The following SLC23A2 variants were observed in gnomAD, a reference collection of about 807,000 sequenced individuals.
The protein encoded by SLC23A2 is solute carrier family 23 member 2.
A neutral mutation model predicts 73.3 loss-of-function variants in SLC23A2; 36 were observed. That is an observed-to-expected ratio of 0.49 (90% CI 0.38 to 0.65). SLC23A2 has a LOEUF of 0.65. SLC23A2 is among the 30% of genes least tolerant of loss of function. SLC23A2 has a pLI of 0.00. For synonymous variants in SLC23A2, 343 were observed against 327.3 expected, an observed-to-expected ratio of 1.05 and a Z score of -0.52; for missense variants, 507 against 841.6, an observed-to-expected ratio of 0.60 and a Z score of 4.92.
chr20:5,009,446 A>G (rs2088225444), intron 1 of SLC23A2, among the ~76,000 whole-genome samples: 1 of 152,076 alleles, frequency 6.6e-6, no homozygotes, highest in South Asian at 2.1e-4. Context: ...TACTCCCTCC[A>G]TGCATCACAG....
rs77102050 is a variant in SLC23A2 at position 4,896,841 on chromosome 20, T to C, written c.482+2714A>G. On this transcript the variant is annotated intron_variant, in intron 6 of 16. Coordinates refer to ENST00000338244, the MANE Select transcript of SLC23A2 (RefSeq NM_005116.6). ...AGCCATTGAATGCTCCCTGTGCCTGTTGATAAGTCCCAAGCTCTGGCCTCT... is the reference window on the plus strand; with the variant it reads ...AGCCATTGAATGCTCCCTGTGCCTGCTGATAAGTCCCAAGCTCTGGCCTCT... Among the ~76,000 whole-genome samples the C allele has an allele frequency of 5.6e-3, 860 of 152,344 alleles. 11 individuals carry two copies. The highest frequency in any genetic ancestry group is 0.019 in the African/African-American group (805 of 41,584).
intron 3 of SLC23A2, among the ~76,000 whole-genome samples, chr20:4,931,659 C>T (rs1932792248): frequency 6.6e-6 from 1 of 152,060 alleles, no homozygotes; most frequent in Non-Finnish European, 1.5e-5. Context: ...GTCCCAGCTA[C>T]TCGGGAGACT....
intron 7 of SLC23A2, 31 bp downstream of exon 7, chr20:4,885,790 C>T (rs1397581967): frequency 6.8e-7 from 1 of 1,468,214 alleles, no homozygotes; most frequent in South Asian, 1.1e-5. Context: ...TAAAGGACCC[C>T]AATGACATAT....
chr20:4,983,665 A>AAT (rs2087768813), intron 1 of SLC23A2, among the ~76,000 whole-genome samples: 1 of 144,604 alleles, frequency 6.9e-6, no homozygotes, highest in African/African-American at 2.6e-5. Context: ...AAAAAAAAAA[A>AAT]AGACACAAGC....
intron 3 of SLC23A2, among the ~76,000 whole-genome samples, chr20:4,924,580 G>A (rs1418575686): frequency 6.6e-6 from 1 of 152,212 alleles, no homozygotes; most frequent in Non-Finnish European, 1.5e-5. Context: ...GGCCTCCAAA[G>A]GTTTTTTTCA....
At chr20:4,946,015 T>C (rs934630835) in intron 2 of SLC23A2, among the ~76,000 whole-genome samples, 4 of 152,170 alleles carry the variant, frequency 2.6e-5, no homozygotes, top group Admixed American at 6.5e-5. Context: ...TTAATTACAA[T>C]AATCTACCAG....
chr20:4,951,500 C>G (rs899118901), intron 2 of SLC23A2, among the ~76,000 whole-genome samples: 3 of 152,136 alleles, frequency 2.0e-5, no homozygotes, highest in Admixed American at 2.0e-4. Flanking sequence ...CAGTGCCTCT[C>G]AAGCAGACTT....
rs1354775581 is a variant in SLC23A2 at position 4,863,618 on chromosome 20, TGGGGCCAC to T, written c.1357-719_1357-712del. On this transcript the variant is annotated intron_variant, in intron 13 of 16. Transcript: ENST00000338244. The surrounding 1 kb of genome is among the most constrained non-coding windows in gnomAD (Gnocchi z 4.8). ...ACTGGCCTTTCCTGCACCCATTCCA[TGGGGCCAC>T]GGGGTCACCTTTCTAACACATGAAA... Among the ~76,000 whole-genome samples, 1 of 152,192 alleles carries T rather than the reference TGGGGCCAC, an allele frequency of 6.6e-6. No individual in the cohort carries two copies. Among genetic ancestry groups the T allele is most frequent in the Non-Finnish European group, 1.5e-5 (1 of 68,024 alleles).
intron 1 of SLC23A2, among the ~76,000 whole-genome samples, chr20:4,988,793 T>G (rs997748311): frequency 6.7e-6 from 1 of 150,238 alleles, no homozygotes. Flanking sequence ...GCACCTGTAA[T>G]CCCAGCTACT....
chr20:4,882,227 T>C (rs1930915360), intron 9 of SLC23A2, among the ~76,000 whole-genome samples: 1 of 152,018 alleles, frequency 6.6e-6, no homozygotes, highest in Non-Finnish European at 1.5e-5. Context: ...ATACAAAAAC[T>C]AGCCGGGTGT....
rs753454064 is a variant in SLC23A2, at chr20:4,873,985, G to A, written c.1053C>T (p.Ala351=). The change falls in exon 11 of 17, where the codon GCC becomes GCT. Residue 351 remains alanine (A), a synonymous_variant. Coordinates refer to ENST00000338244, the MANE Select transcript of SLC23A2 (RefSeq NM_005116.6). ...TKYGFYARTD[A]RQGVLLVAPW... ...GGGCTACCAGAAGCACGCCTTGCCT[G>A]GCATCTGTGCGAGCATAGAAGCCAT... 1.9e-6 allele frequency: 3 copies of A among 1,614,176 alleles called. No individual in the cohort carries two copies. Among genetic ancestry groups the A allele is most frequent in the South Asian group, 1.1e-5 (1 of 91,088 alleles).
intron 6 of SLC23A2, among the ~76,000 whole-genome samples, chr20:4,892,942 T>A (rs533636641): frequency 5.3e-5 from 8 of 151,958 alleles, no homozygotes; most frequent in Middle Eastern, 3.4e-3. Flanking sequence ...GAACTGCATA[T>A]GAGATGATGA....
chr20:4,860,291 G>A (rs559326084), intron 15 of SLC23A2, among the ~76,000 whole-genome samples: 125 of 152,274 alleles, frequency 8.2e-4, no homozygotes, highest in Non-Finnish European at 1.6e-3. Context: ...TCTGAGCCAC[G>A]CCACATACAT....
At chr20:4,888,039 C>G (rs1931174924) in intron 6 of SLC23A2, among the ~76,000 whole-genome samples, 1 of 152,300 alleles carries the variant, frequency 6.6e-6, no homozygotes, top group East Asian at 1.9e-4. Flanking sequence ...AAGGCACGGC[C>G]CCTGTCGTAC....
At chr20:4,886,158 C>A (rs938094268) in intron 6 of SLC23A2, among the ~76,000 whole-genome samples, 3 of 152,364 alleles carry the variant, frequency 2.0e-5, no homozygotes, top group Middle Eastern at 3.4e-3. Context: ...GTGGTCAGTG[C>A]CAACACCCCA....
chr20:4,896,514 G>C (rs548749480), intron 6 of SLC23A2, among the ~76,000 whole-genome samples: 1 of 152,168 alleles, frequency 6.6e-6, no homozygotes, highest in African/African-American at 2.4e-5. Context: ...TCTCTAAGCC[G>C]CTCCACTGGA....
intron 3 of SLC23A2, among the ~76,000 whole-genome samples, chr20:4,916,754 A>G (rs990345053): frequency 3.0e-4 from 46 of 152,238 alleles, no homozygotes; most frequent in African/African-American, 1.1e-3. Context: ...GAAACTGTCA[A>G]GTACCCATAC....
At chr20:4,924,051 G>A (rs772885136) in intron 3 of SLC23A2, among the ~76,000 whole-genome samples, 5 of 151,910 alleles carry the variant, frequency 3.3e-5, no homozygotes, top group Admixed American at 2.6e-4. Flanking sequence ...CCTCCCCTCC[G>A]CTCTGGGGCA....
At position 4,899,656 on chromosome 20, in the gene SLC23A2, G is replaced by A; in HGVS notation, c.381C>T (p.Ala127=). 6 of 1,614,152 alleles carry A rather than the reference G, an allele frequency of 3.7e-6. No individual in the cohort carries two copies. Among genetic ancestry groups the A allele is most frequent in the Non-Finnish European group, 5.1e-6 (6 of 1,180,002 alleles). The change falls in exon 6 of 17, where the codon GCC becomes GCT. Residue 127 remains alanine (A), a synonymous_variant. Coordinates refer to ENST00000338244, the MANE Select transcript of SLC23A2 (RefSeq NM_005116.6). The surrounding 1 kb of genome is among the most constrained non-coding windows in gnomAD (Gnocchi z 4.9). ...CCCACTGGTCGTACCCCACACACAT[G>A]GCATCGGCCAACAGGAAGGGCACTG... is the stretch of plus-strand genomic sequence containing the variant. The part of the protein sequence containing the change: ...TIAVPFLLAD[A]MCVGYDQWAT...
Sources: allele counts gnomAD v4.1 joint callset (sites outside exome capture counted in the v4.1 genomes callset), GRCh38; gene constraint gnomAD v4.1.1; non-coding constraint Gnocchi (gnomAD v3.1); transcripts MANE v1.5; gene names NCBI Gene and HGNC (gene_info 2026-07-23, HGNC 2026-07-21).